Variants in ATXN7L1 observed in about 807,000 individuals in gnomAD.
ATXN7L1 encodes the protein ataxin-7-like protein 1.
Under a neutral mutation model 70.8 loss-of-function variants are expected in ATXN7L1, and 15 were observed. That is an observed-to-expected ratio of 0.21 (90% CI 0.14 to 0.33). The LOEUF (loss-of-function observed/expected upper bound fraction) is 0.33, where lower values mean the gene tolerates loss of function less well. ATXN7L1 is among the 10% of genes least tolerant of loss of function. ATXN7L1 has a pLI of 1.00. For missense variants in ATXN7L1, 975 were observed against 1,097.1 expected, an observed-to-expected ratio of 0.89 and a Z score of 1.57; for synonymous variants, 440 against 445.1, an observed-to-expected ratio of 0.99 and a Z score of 0.14.
chr7:105,689,476 C>A (rs1644025519), intron 3 of ATXN7L1, among the ~76,000 whole-genome samples: 1 of 152,138 alleles, frequency 6.6e-6, no homozygotes, highest in South Asian at 2.1e-4. Flanking sequence ...AACATAAAGG[C>A]CTATAGGTTC....
At chr7:105,718,810 T>C (rs1177757248) in intron 3 of ATXN7L1, among the ~76,000 whole-genome samples, 1 of 152,142 alleles carries the variant, frequency 6.6e-6, no homozygotes, top group African/African-American at 2.4e-5. Context: ...TGTTCAAAAA[T>C]AGAACAGGAA....
At chr7:105,654,258 CCTCTT>C (rs1381688828) in intron 4 of ATXN7L1, among the ~76,000 whole-genome samples, 1 of 152,272 alleles carries the variant, frequency 6.6e-6, no homozygotes, top group Non-Finnish European at 1.5e-5. Flanking sequence ...TGCTGCCTCT[CCTCTT>C]CTGAGAAGAG....
intron 3 of ATXN7L1, among the ~76,000 whole-genome samples, chr7:105,731,773 G>GAGAAAAGAAAAGAAAAGAAAAGAA (rs1563046289): frequency 1.6e-4 from 11 of 66,820 alleles, no homozygotes; most frequent in Non-Finnish European, 2.6e-4. Flanking sequence ...GAAAAGAAAA[G>GAGAAAAGAAAAGAAAAGAAAAGAA]AAAAGAAAAG....
chr7:105,638,225 C>T, intron 7 of ATXN7L1, 128 bp downstream of exon 7: 1 of 1,283,088 alleles, frequency 7.8e-7, no homozygotes, highest in Non-Finnish European at 1.1e-6. Flanking sequence ...TTAAACTTTA[C>T]TACTTGCCTT....
chr7:105,801,967 G>C (rs947947079), intron 2 of ATXN7L1, among the ~76,000 whole-genome samples: 4 of 152,152 alleles, frequency 2.6e-5, no homozygotes, highest in Non-Finnish European at 5.9e-5. Flanking sequence ...GTGGCCCACG[G>C]CATTAAATTT....
At chr7:105,851,248 G>C (rs542236399) in intron 2 of ATXN7L1, among the ~76,000 whole-genome samples, 1 of 152,102 alleles carries the variant, frequency 6.6e-6, no homozygotes, top group African/African-American at 2.4e-5. Flanking sequence ...GAGGAACAGA[G>C]AGGCAAGGTA....
intron 3 of ATXN7L1, among the ~76,000 whole-genome samples, chr7:105,731,465 G>A (rs891500465): frequency 1.4e-4 from 19 of 134,338 alleles, no homozygotes; most frequent in East Asian, 1.1e-3. Flanking sequence ...ATGGAGTCTC[G>A]CTCCTGTTGC....
chr7:105,736,899 G>T (rs1797440497), intron 3 of ATXN7L1, among the ~76,000 whole-genome samples: 1 of 152,192 alleles, frequency 6.6e-6, no homozygotes, highest in African/African-American at 2.4e-5. Context: ...TTTTGAGATA[G>T]AAGAGATGTG....
chr7:105,815,388 T>A (rs570263174), intron 2 of ATXN7L1, among the ~76,000 whole-genome samples: 29 of 152,282 alleles, frequency 1.9e-4, no homozygotes, highest in South Asian at 8.3e-4. Context: ...TTAGCTTTTT[T>A]AAAAAATGAT....
chr7:105,823,356 A>C lies in ATXN7L1; in HGVS notation c.251-34648T>G, dbSNP rs369719195. Among the ~76,000 whole-genome samples, 17 of 152,318 alleles carry C rather than the reference A, an allele frequency of 1.1e-4. No homozygotes were observed. In the East Asian group the frequency reaches 2.7e-3, roughly 24 times the overall value. On this transcript the variant is annotated intron_variant, in intron 2 of 11. Transcript: ENST00000419735. ...TCCAGTATCATTTGTGATCACTTAC[A>C]AACAGCAAGGGTTCAAGTAAGCATA...
rs143901916 is a variant in ATXN7L1, at chr7:105,752,875, C to A, written c.355+35729G>T. Reference sequence around the variant, plus strand: ...CCCTCCCTTGTTTACCCTCCCGGTACAAAGTGGATTAAGAGCACAGCTGGA... The same window carrying A: ...CCCTCCCTTGTTTACCCTCCCGGTAAAAAGTGGATTAAGAGCACAGCTGGA... On this transcript the variant is annotated intron_variant, in intron 3 of 11. Transcript: ENST00000419735. Among the ~76,000 whole-genome samples the A allele has an allele frequency of 3.7e-3, 556 of 152,272 alleles. 3 individuals carry two copies. The highest frequency in any genetic ancestry group is 0.013 in the African/African-American group (526 of 41,544).
At chr7:105,796,100 C>T (rs1368076644) in intron 2 of ATXN7L1, among the ~76,000 whole-genome samples, 2 of 152,188 alleles carry the variant, frequency 1.3e-5, no homozygotes, top group African/African-American at 4.8e-5. Context: ...CGTGGTGGCT[C>T]ACGCCTGTAA....
At chr7:105,867,051 A>G (rs1225251749) in intron 2 of ATXN7L1, among the ~76,000 whole-genome samples, 2 of 152,206 alleles carry the variant, frequency 1.3e-5, no homozygotes, top group African/African-American at 4.8e-5. Flanking sequence ...AAATCTGCCT[A>G]ACTTTTCTAA....
At chr7:105,737,146 G>A (rs1282872267) in intron 3 of ATXN7L1, among the ~76,000 whole-genome samples, 1 of 152,092 alleles carries the variant, frequency 6.6e-6, no homozygotes, top group African/African-American at 2.4e-5. Flanking sequence ...ACCTCTTTGG[G>A]GACATTTTAT....
intron 4 of ATXN7L1, among the ~76,000 whole-genome samples, chr7:105,652,056 T>G (rs1240318641): frequency 6.6e-6 from 1 of 152,052 alleles, no homozygotes; most frequent in African/African-American, 2.4e-5. Flanking sequence ...GTGCTAAGTG[T>G]CCTGACATTC....
chr7:105,660,002 G>T (rs1310068780), intron 4 of ATXN7L1, among the ~76,000 whole-genome samples: 1 of 151,854 alleles, frequency 6.6e-6, no homozygotes, highest in Non-Finnish European at 1.5e-5. Context: ...CTTCCCTTGA[G>T]GAAGCGGCAG....
In ATXN7L1 at chr7:105,605,042, CTTTTTTTTTTT is replaced by C. The variant is rs895554854; in HGVS notation, c.*2799_*2809del. On this transcript the variant is annotated 3_prime_UTR_variant, in exon 12 of 12. Transcript: ENST00000419735. ...GAAGGCATACAAGTTATCCAAGTCG[CTTTTTTTTTTT>C]TTTTTTTTTTTTTATGGCTGACAGG... The C allele has an allele frequency of 1.4e-5, 1 of 71,556 alleles. No individual in the cohort carries two copies. The highest frequency in any genetic ancestry group is 0.014 in the Middle Eastern group (1 of 70). 4.4% of individuals were successfully genotyped at this position (71,556 alleles called of 1,614,324 possible). A position where few individuals can be genotyped will look rare whatever the true frequency, so the allele number is the denominator to read the frequency against.
chr7:105,634,237 T>C (rs1288191832), intron 7 of ATXN7L1, among the ~76,000 whole-genome samples: 1 of 152,138 alleles, frequency 6.6e-6, no homozygotes, highest in Non-Finnish European at 1.5e-5. Context: ...ACCCGTCCCC[T>C]GTCTGCCCGC....
chr7:105,849,544 G>C (rs1814571479), intron 2 of ATXN7L1, among the ~76,000 whole-genome samples: 2 of 152,246 alleles, frequency 1.3e-5, no homozygotes, highest in African/African-American at 4.8e-5. Flanking sequence ...TCTCTTACAG[G>C]GTGGTGCCGT....
Sources: allele counts gnomAD v4.1 joint callset (sites outside exome capture counted in the v4.1 genomes callset), GRCh38; gene constraint gnomAD v4.1.1; transcripts MANE v1.5; gene names NCBI Gene and HGNC (gene_info 2026-07-23, HGNC 2026-07-21).